Variants in IMMP2L observed in about 807,000 individuals in gnomAD.
The protein encoded by IMMP2L is inner mitochondrial membrane peptidase subunit 2, also known as mitochondrial inner membrane protease subunit 2.
In IMMP2L, 18 loss-of-function variants were observed where a neutral mutation model predicts 19.3. The observed-to-expected ratio is 0.93, with a 90% CI of 0.64 to 1.38. The LOEUF (loss-of-function observed/expected upper bound fraction) is 1.38, where lower values mean the gene tolerates loss of function less well. IMMP2L is among the 40% of genes most tolerant of loss of function. The pLI, the probability that IMMP2L is intolerant of heterozygous loss-of-function variation, is 0.00. For synonymous variants in IMMP2L, 76 were observed against 73.0 expected, an observed-to-expected ratio of 1.04 and a Z score of -0.21; for missense variants, 233 against 218.2, an observed-to-expected ratio of 1.07 and a Z score of -0.43.
chr7:111,462,782 G>C (rs1840256628), intron 3 of IMMP2L, among the ~76,000 whole-genome samples: 1 of 152,096 alleles, frequency 6.6e-6, no homozygotes. Context: ...CTGCCATTAA[G>C]TTTGTGTGAC....
intron 3 of IMMP2L, among the ~76,000 whole-genome samples, chr7:111,141,589 T>C (rs1802899075): frequency 6.6e-6 from 1 of 152,158 alleles, no homozygotes. Flanking sequence ...TCTGGTCTAC[T>C]ATAGTATCCT....
At chr7:110,767,738 A>G (rs1798759789) in intron 5 of IMMP2L, among the ~76,000 whole-genome samples, 1 of 152,198 alleles carries the variant, frequency 6.6e-6, no homozygotes, top group African/African-American at 2.4e-5. Context: ...TTTCCTAACT[A>G]GTCTTCCTGC....
chr7:111,536,021 T>C (rs982694382), intron 1 of IMMP2L, among the ~76,000 whole-genome samples: 1 of 152,056 alleles, frequency 6.6e-6, no homozygotes, highest in Non-Finnish European at 1.5e-5. Flanking sequence ...AGAAAAAAGA[T>C]GGAAGTACAT....
intron 3 of IMMP2L, among the ~76,000 whole-genome samples, chr7:111,165,889 T>C (rs1805765692): frequency 6.6e-6 from 1 of 152,044 alleles, no homozygotes; most frequent in Non-Finnish European, 1.5e-5. Context: ...TCAATTAATA[T>C]AGGTTTTGAT....
rs771684927 is a variant in IMMP2L at position 110,870,567 on chromosome 7, C to T, written c.408+16026G>A. On this transcript the variant is annotated intron_variant, in intron 5 of 5. Transcript: ENST00000405709. This position sits in a 1 kb window ranked among gnomAD's most constrained non-coding sequence, Gnocchi z 4.2. ...GTGTGTGTGAGTGTGTGTGTGTGCA[C>T]GCGCATGTGTGCGTGTGTTCCATTT... is the stretch of plus-strand genomic sequence containing the variant. 5.9e-5 allele frequency among the ~76,000 whole-genome samples: 9 copies of T among 151,974 alleles called. No individual in the cohort carries two copies. Among genetic ancestry groups the T allele is most frequent in the Non-Finnish European group, 1.3e-4 (9 of 67,998 alleles).
chr7:111,498,683 A>G (rs1053671562), intron 2 of IMMP2L, among the ~76,000 whole-genome samples: 2 of 152,186 alleles, frequency 1.3e-5, no homozygotes, highest in African/African-American at 4.8e-5. Context: ...ATCTATTCAC[A>G]TGGCTTATAT....
chr7:111,166,392 T>A (rs1805817413), intron 3 of IMMP2L, among the ~76,000 whole-genome samples: 1 of 152,004 alleles, frequency 6.6e-6, no homozygotes, highest in African/African-American at 2.4e-5. Flanking sequence ...AACTTTATTA[T>A]TTATTATATT....
chr7:111,084,087 G>C lies in IMMP2L; in HGVS notation c.240-120522C>G, dbSNP rs1273383966. 5.3e-5 allele frequency among the ~76,000 whole-genome samples: 8 copies of C among 152,168 alleles called. No individual in the cohort carries two copies. In the South Asian group the frequency reaches 1.0e-3, roughly 20 times the overall value. ...AAGGTATGAGATTGGAAGCAAGAAA[G>C]ATGAACTAGAAAAGATGAGACTGGA... On this transcript the variant is annotated intron_variant, in intron 3 of 5. Transcript: ENST00000405709.
intron 3 of IMMP2L, among the ~76,000 whole-genome samples, chr7:111,385,589 G>C (rs771775974): frequency 3.3e-5 from 5 of 152,066 alleles, no homozygotes; most frequent in African/African-American, 9.7e-5. Flanking sequence ...GAGAATGTTT[G>C]ATCTTTTTAT....
chr7:111,087,373 C>A, intron 3 of IMMP2L, among the ~76,000 whole-genome samples: 1 of 150,020 alleles, frequency 6.7e-6, no homozygotes, highest in East Asian at 2.0e-4. Context: ...CACTTGAACC[C>A]GGAAGGTGTT....
rs144176561 is a variant in IMMP2L, at chr7:111,478,677, C to T, written c.239+8561G>A. ...CTGAGCTCAAGTGATCCTCCCACCT[C>T]GGCCTCCCAAAGTGCTAGGATTACA... On this transcript the variant is annotated intron_variant, in intron 3 of 5. Transcript: ENST00000405709. Among the ~76,000 whole-genome samples the T allele has an allele frequency of 4.3e-3, 654 of 152,206 alleles. 9 individuals carry two copies. Among genetic ancestry groups the T allele is most frequent in the African/African-American group, 0.015 (635 of 41,536 alleles).
intron 3 of IMMP2L, among the ~76,000 whole-genome samples, chr7:111,471,061 G>A (rs1449648285): frequency 6.6e-6 from 1 of 151,874 alleles, no homozygotes; most frequent in Non-Finnish European, 1.5e-5. Context: ...TTTGTATCGT[G>A]GCCATTGGAT....
chr7:111,053,607 G>A (rs111314006), intron 3 of IMMP2L, among the ~76,000 whole-genome samples: 7 of 152,314 alleles, frequency 4.6e-5, no homozygotes, highest in Admixed American at 2.0e-4. Flanking sequence ...ACCATCACCT[G>A]AGGGTTGCCT....
chr7:110,935,221 G>C (rs1468289532), intron 4 of IMMP2L, among the ~76,000 whole-genome samples: 2 of 152,090 alleles, frequency 1.3e-5, no homozygotes, highest in Non-Finnish European at 2.9e-5. Context: ...TCATTTGCTT[G>C]TCTGTAAAGG....
At chr7:111,210,791 G>A (rs1283906367) in intron 3 of IMMP2L, among the ~76,000 whole-genome samples, 2 of 151,990 alleles carry the variant, frequency 1.3e-5, no homozygotes, top group Non-Finnish European at 2.9e-5. Flanking sequence ...TATACAAAGA[G>A]TAATCTTTTT....
chr7:110,978,551 A>G (rs969897305), intron 3 of IMMP2L, among the ~76,000 whole-genome samples: 5 of 152,066 alleles, frequency 3.3e-5, no homozygotes, highest in African/African-American at 1.2e-4. Flanking sequence ...GGTAAGTAAC[A>G]GTAAAGAAAA....
At chr7:110,903,186 G>A (rs947127686) in intron 4 of IMMP2L, among the ~76,000 whole-genome samples, 2 of 152,138 alleles carry the variant, frequency 1.3e-5, no homozygotes, top group Non-Finnish European at 2.9e-5. Flanking sequence ...CACTGATTAC[G>A]GGGCAATATT....
chr7:110,880,794 T>C (rs571997091), intron 5 of IMMP2L, among the ~76,000 whole-genome samples: 38 of 152,232 alleles, frequency 2.5e-4, no homozygotes, highest in Non-Finnish European at 5.4e-4. Context: ...ATATTTCTAA[T>C]AAAATGAATG....
chr7:110,961,123 T>C (rs1818887926), intron 4 of IMMP2L, among the ~76,000 whole-genome samples: 1 of 151,914 alleles, frequency 6.6e-6, no homozygotes, highest in South Asian at 2.1e-4. Context: ...TAAAATAGTT[T>C]GGCAGTTTCT....
Sources: gnomAD v4.1 joint callset for allele counts (sites outside exome capture counted in the v4.1 genomes callset) on GRCh38, gnomAD v4.1.1 for gene constraint, Gnocchi (gnomAD v3.1) non-coding constraint, MANE v1.5 for transcripts, NCBI Gene and HGNC (gene_info 2026-07-23, HGNC 2026-07-21) for gene names.